STK17B: variants seen among roughly 807,000 people sequenced by gnomAD.
The protein encoded by STK17B is serine/threonine kinase 17b.
Under a neutral mutation model 42.0 loss-of-function variants are expected in STK17B, and 21 were observed. The ratio of observed to expected loss-of-function variants is 0.50; its 90% CI spans 0.35 to 0.72. STK17B has a LOEUF of 0.72. Among genes scored for constraint, STK17B ranks in the 30% least tolerant of loss-of-function variants. STK17B has a pLI of 0.00. For missense variants in STK17B, 349 were observed against 446.0 expected (o/e 0.78, Z 1.96); for synonymous variants, 143 against 148.4 (o/e 0.96, Z 0.26).
intron 4 of STK17B, among the ~76,000 whole-genome samples, chr2:196,145,686 C>T (rs1699562737): frequency 6.6e-6 from 1 of 152,128 alleles, no homozygotes; most frequent in African/African-American, 2.4e-5. Context: ...AGGAATGATG[C>T]ATTTTAAGAG....
At chr2:196,153,169 T>G (rs989879262) in intron 3 of STK17B, 1 of 136,934 alleles carries the variant, frequency 7.3e-6, no homozygotes, top group African/African-American at 2.6e-5. Flanking sequence ...ACACTGAATA[T>G]CAACAGAAAC....
At chr2:196,162,517 TTAAC>T (rs1161684517) in intron 2 of STK17B, among the ~76,000 whole-genome samples, 1 of 151,930 alleles carries the variant, frequency 6.6e-6, no homozygotes, top group African/African-American at 2.4e-5. Context: ...TTTACAAATA[TTAAC>T]TAACTTAATC....
rs543548091 is a variant in STK17B, at chr2:196,152,535, A to C, written c.335+3904T>G. On this transcript the variant is annotated intron_variant, in intron 3 of 7. Transcript: ENST00000263955. The stretch of plus-strand genomic sequence containing the variant: ...TCTTCTAGGAATTTACTCTAAAGCT[A>C]CATCTCCATAATAATTCCCATTTAC... 1.2e-4 allele frequency among the ~76,000 whole-genome samples: 19 copies of C among 152,346 alleles called. No individual in the cohort carries two copies. The South Asian group carries it at 3.5e-3, about 28-fold the overall frequency.
Position 196,146,526 on chromosome 2 carries a change from A to C in STK17B, c.336-471T>G, listed in dbSNP as rs114124968. On this transcript the variant is annotated intron_variant, in intron 3 of 7. Transcript: ENST00000263955. ...CCCCAAAAAAAAGAAAAAAGAAAATAAGTGATGAGACTATTTCAAATTCTG... is the reference window on the plus strand; with the variant it reads ...CCCCAAAAAAAAGAAAAAAGAAAATCAGTGATGAGACTATTTCAAATTCTG... 3.1e-3 allele frequency among the ~76,000 whole-genome samples: 475 copies of C among 152,198 alleles called. 1 individual carries two copies. The highest frequency in any genetic ancestry group is 0.011 in the African/African-American group (460 of 41,518).
chr2:196,142,175 C>T (rs1699503747), intron 5 of STK17B, among the ~76,000 whole-genome samples: 1 of 152,168 alleles, frequency 6.6e-6, no homozygotes, highest in African/African-American at 2.4e-5. Context: ...TCTCCTGCCT[C>T]AGCCTCCCAA....
At position 196,136,285 on chromosome 2, in the gene STK17B, A is replaced by T. The variant is rs1699404670; in HGVS notation, c.*1162T>A. 1 of 152,232 alleles carries T rather than the reference A, an allele frequency of 6.6e-6. No homozygotes were observed. The highest frequency in any genetic ancestry group is 6.5e-5 in the Admixed American group (1 of 15,282). The allele number at this position is 152,232 out of a possible 1,614,324, so 9.4% of individuals were successfully genotyped here. On this transcript the variant is annotated 3_prime_UTR_variant, in exon 8 of 8. Transcript: ENST00000263955. ...GGATATAGTCTCTAGCCATAAGCAA[A>T]CATTTTGCTCTCCCTAGTCTCTTGC...
At chr2:196,142,346 C>T (rs1256016098) in intron 5 of STK17B, among the ~76,000 whole-genome samples, 5 of 152,150 alleles carry the variant, frequency 3.3e-5, no homozygotes, top group Non-Finnish European at 5.9e-5. Flanking sequence ...GTGTGAGCCA[C>T]TGCACCCAGC....
intron 1 of STK17B, chr2:196,165,961 CTGTTT>C (rs962001959): frequency 3.3e-5 from 5 of 152,178 alleles, no homozygotes; most frequent in African/African-American, 1.2e-4. Flanking sequence ...TTTTTGTTTT[CTGTTT>C]TAACTACTTA....
At chr2:196,163,223 T>G (rs555331419) in intron 2 of STK17B, 39 bp downstream of exon 2, 2 of 1,598,584 alleles carry the variant, frequency 1.3e-6, no homozygotes, top group African/African-American at 1.4e-5. Flanking sequence ...AATCCAAAAT[T>G]TGAATTTAGA....
In STK17B at chr2:196,145,928, C is replaced by CAA; in HGVS notation, c.461_462dup (p.Val155LeufsTer6). The CAA allele has an allele frequency of 6.3e-7, 1 of 1,581,974 alleles. No homozygotes were observed. The highest frequency in any genetic ancestry group is 8.5e-7 in the Non-Finnish European group (1 of 1,170,490). On this transcript the variant is annotated frameshift_variant, in exon 4 of 8. Coordinates refer to ENST00000263955, the MANE Select transcript of STK17B (RefSeq NM_004226.4). LOFTEE classifies it high-confidence loss of function. ...TACGTTACCTTTAAATCAAGGTGTACAATGTTATTCTGATGTAGATAATAA... is the reference window on the plus strand; with the variant it reads ...TACGTTACCTTTAAATCAAGGTGTACAAAATGTTATTCTGATGTAGATAATAA...
chr2:196,167,255 CAT>C (rs1335089159), intron 1 of STK17B, among the ~76,000 whole-genome samples: 8 of 152,190 alleles, frequency 5.3e-5, no homozygotes, highest in African/African-American at 1.9e-4. Context: ...CAAAATGTAA[CAT>C]GTTAGATTGC....
chr2:196,141,023 TCA>T (rs1300561329), intron 6 of STK17B, among the ~76,000 whole-genome samples: 2 of 152,254 alleles, frequency 1.3e-5, no homozygotes, highest in African/African-American at 4.8e-5. Flanking sequence ...TGAGTTTTCA[TCA>T]CAGAGAGAGA....
chr2:196,142,264 G>C (rs1278543915), intron 5 of STK17B, among the ~76,000 whole-genome samples: 1 of 152,110 alleles, frequency 6.6e-6, no homozygotes. Flanking sequence ...CACCATGTTG[G>C]TCAGGCTGGT....
At chr2:196,145,417 TAAGAGA>T (rs1699558659) in intron 4 of STK17B, among the ~76,000 whole-genome samples, 1 of 151,996 alleles carries the variant, frequency 6.6e-6, no homozygotes, top group Non-Finnish European at 1.5e-5. Context: ...GAGATGGAGA[TAAGAGA>T]CTGGAGGTTC....
intron 7 of STK17B, among the ~76,000 whole-genome samples, chr2:196,138,710 G>C (rs967964916): frequency 2.0e-5 from 3 of 151,922 alleles, no homozygotes. Context: ...TGAGTAGCTG[G>C]AACTATAGGT....
chr2:196,150,266 C>T lies in STK17B; in HGVS notation c.336-4211G>A, dbSNP rs145697790. Among the ~76,000 whole-genome samples, 142 of 151,280 alleles carry T rather than the reference C, an allele frequency of 9.4e-4. No homozygotes were observed. The Middle Eastern group carries it at 0.017, about 18-fold the overall frequency. On this transcript the variant is annotated intron_variant, in intron 3 of 7. Transcript: ENST00000263955. ...AGCCGCCTATATCATTATCATTGAC[C>T]TGGGAGATAAATCAGGTGACTTCTG...
intron 2 of STK17B, among the ~76,000 whole-genome samples, chr2:196,160,500 A>T (rs1456832602): frequency 6.6e-6 from 1 of 151,970 alleles, no homozygotes; most frequent in African/African-American, 2.4e-5. Context: ...ACTCTGAAAT[A>T]AAAAAGTTGA....
chr2:196,167,977 T>C (rs1699892026), intron 1 of STK17B, among the ~76,000 whole-genome samples: 1 of 152,242 alleles, frequency 6.6e-6, no homozygotes, highest in African/African-American at 2.4e-5. Context: ...TTTCTCCTGG[T>C]GTGGCAGAAG....
At chr2:196,163,235 G>T in intron 2 of STK17B, 27 bp downstream of exon 2, 1 of 1,602,550 alleles carries the variant, frequency 6.2e-7, no homozygotes, top group Admixed American at 1.7e-5. Context: ...GAATTTAGAT[G>T]GCATACACGT....
Sources: gnomAD v4.1 joint callset for allele counts (sites outside exome capture counted in the v4.1 genomes callset) on GRCh38, gnomAD v4.1.1 for gene constraint, MANE v1.5 for transcripts, NCBI Gene and HGNC (gene_info 2026-07-23, HGNC 2026-07-21) for gene names.